ACTR3C: variants seen among roughly 807,000 people sequenced by gnomAD.
ACTR3C encodes the protein actin related protein 3C, also known as actin-related protein 3C.
A neutral mutation model predicts 26.3 loss-of-function variants in ACTR3C; 18 were observed. That is an observed-to-expected ratio of 0.68 (90% CI 0.47 to 1.01). The LOEUF is 1.01. Among genes scored for constraint, ACTR3C ranks in the 50% least tolerant of loss-of-function variants. The pLI, the probability that ACTR3C is intolerant of heterozygous loss-of-function variation, is 0.00. For missense variants in ACTR3C, 184 were observed against 250.7 expected, an observed-to-expected ratio of 0.73 and a Z score of 1.80; for synonymous variants, 55 against 94.5, an observed-to-expected ratio of 0.58 and a Z score of 2.42.
the ACTR3C span, among the ~76,000 whole-genome samples, chr7:149,906,440 T>TGAGA: frequency 1.5e-4 from 5 of 33,326 alleles, no homozygotes; most frequent in African/African-American, 2.1e-4. Flanking sequence ...TTTTTTTTTT[T>TGAGA]TTTTTTTTTT....
At chr7:150,264,568 T>C (rs6951587) in intron 6 of ACTR3C, 105,511 of 966,294 alleles carry the variant, frequency 0.11, 9,077 homozygotes, top group African/African-American at 0.43. Flanking sequence ...CAGGTTATAA[T>C]GTATATTACC....
chr7:150,204,746 C>T, the ACTR3C span, among the ~76,000 whole-genome samples: 1 of 151,986 alleles, frequency 6.6e-6, no homozygotes, highest in Non-Finnish European at 1.5e-5. Context: ...GAGCAAGGAA[C>T]AGGCCAGGGA....
the ACTR3C span, among the ~76,000 whole-genome samples, chr7:150,118,268 G>T: frequency 6.6e-6 from 1 of 152,040 alleles, no homozygotes; most frequent in African/African-American, 2.4e-5. Context: ...TCAGAAGGTG[G>T]ATAATAACAA....
At chr7:150,149,536 A>T in the ACTR3C span, among the ~76,000 whole-genome samples, 4 of 104,954 alleles carry the variant, frequency 3.8e-5, no homozygotes, top group African/African-American at 1.1e-4. Flanking sequence ...GATGTTCCCC[A>T]CCCTGTGTCC....
At chr7:150,211,641 G>C in the ACTR3C span, among the ~76,000 whole-genome samples, 1 of 149,794 alleles carries the variant, frequency 6.7e-6, no homozygotes, top group African/African-American at 2.5e-5. Flanking sequence ...CCTGAAGGCT[G>C]GTTGAATGTC....
intron 1 of ACTR3C, 24 bp downstream of exon 1, chr7:150,323,445 G>A: frequency 5.7e-6 from 2 of 349,936 alleles, no homozygotes; most frequent in South Asian, 4.1e-5. Context: ...GCCAGGCGGC[G>A]GGCGGCGGGG....
chr7:149,932,028 G>A, the ACTR3C span, among the ~76,000 whole-genome samples: 5 of 152,170 alleles, frequency 3.3e-5, no homozygotes, highest in African/African-American at 1.2e-4. Context: ...AAAAACTTGA[G>A]CATAACAGTT....
At chr7:150,134,642 G>A in the ACTR3C span, among the ~76,000 whole-genome samples, 10 of 152,422 alleles carry the variant, frequency 6.6e-5, no homozygotes, top group South Asian at 4.1e-4. Flanking sequence ...CAACTGAGAA[G>A]CTTTTCGACG....
chr7:150,267,363 A>G (rs1834119612), intron 6 of ACTR3C, among the ~76,000 whole-genome samples: 1 of 152,232 alleles, frequency 6.6e-6, no homozygotes, highest in African/African-American at 2.4e-5. Flanking sequence ...CACCATTCTG[A>G]GAAGTATGAT....
chr7:150,160,961 A>C, the ACTR3C span, among the ~76,000 whole-genome samples: 14 of 149,308 alleles, frequency 9.4e-5, no homozygotes, highest in Admixed American at 9.4e-4. Context: ...GGAGCTGGGA[A>C]CAGAGACTCT....
At chr7:150,192,389 C>T in the ACTR3C span, among the ~76,000 whole-genome samples, 2 of 152,056 alleles carry the variant, frequency 1.3e-5, no homozygotes, top group African/African-American at 4.8e-5. Flanking sequence ...GCCTTGAACT[C>T]CTGGGCTCAA....
the ACTR3C span, among the ~76,000 whole-genome samples, chr7:149,927,332 A>G: frequency 6.6e-6 from 1 of 151,582 alleles, no homozygotes; most frequent in Non-Finnish European, 1.5e-5. Flanking sequence ...TGGACTCAGG[A>G]GAGAACTGGG....
At chr7:150,156,033 C>T in the ACTR3C span, among the ~76,000 whole-genome samples, 1 of 151,736 alleles carries the variant, frequency 6.6e-6, no homozygotes, top group Non-Finnish European at 1.5e-5. Context: ...AATTGTGGAG[C>T]ATCCTTTAAC....
intron 4 of ACTR3C, among the ~76,000 whole-genome samples, chr7:150,288,441 G>A: frequency 7.4e-6 from 1 of 134,760 alleles, no homozygotes; most frequent in Non-Finnish European, 1.5e-5. Context: ...ATAGAGACGA[G>A]ATCTCGCTAT....
the ACTR3C span, among the ~76,000 whole-genome samples, chr7:150,208,958 A>G: frequency 0.21 from 32,360 of 151,780 alleles, 5,282 homozygotes; most frequent in African/African-American, 0.45. Flanking sequence ...GACCCAAATC[A>G]AAATCCTAGA....
the ACTR3C span, among the ~76,000 whole-genome samples, chr7:149,948,641 C>T: frequency 6.6e-6 from 1 of 151,416 alleles, no homozygotes; most frequent in Non-Finnish European, 1.5e-5. Flanking sequence ...CGGGCAGTTG[C>T]TGGTGTCAGG....
chr7:149,886,584 T>A, the ACTR3C span, among the ~76,000 whole-genome samples: 1 of 152,012 alleles, frequency 6.6e-6, no homozygotes, highest in African/African-American at 2.4e-5. Context: ...ATGCAAACAG[T>A]GGGGCTGGCA....
chr7:149,948,183 C>T, the ACTR3C span, among the ~76,000 whole-genome samples: 15 of 127,586 alleles, frequency 1.2e-4, 1 homozygote, highest in African/African-American at 5.5e-4. Context: ...AAAAATAGCA[C>T]GTGTCTTTTA....
the ACTR3C span, among the ~76,000 whole-genome samples, chr7:150,073,226 C>T: frequency 6.6e-6 from 1 of 152,202 alleles, no homozygotes; most frequent in Non-Finnish European, 1.5e-5. Context: ...AAGCCATCTT[C>T]TGTGGGTCAG....
Sources: allele counts gnomAD v4.1 joint callset (sites outside exome capture counted in the v4.1 genomes callset), GRCh38; gene constraint gnomAD v4.1.1; transcripts MANE v1.5; gene names NCBI Gene and HGNC (gene_info 2026-07-23, HGNC 2026-07-21).